Variants in CD1A observed in about 807,000 individuals in gnomAD.
CD1A encodes the protein T-cell surface glycoprotein CD1a.
Under a neutral mutation model 38.3 loss-of-function variants are expected in CD1A, and 50 were observed. The ratio of observed to expected loss-of-function variants is 1.30; its 90% CI spans 1.04 to 1.65. The LOEUF is 1.65. CD1A is among the 40% of genes most tolerant of loss of function. The probability of loss-of-function intolerance (pLI) is 0.00; values close to 1 mark genes in which losing one functional copy is unlikely to be tolerated. For missense variants in CD1A, 459 were observed against 406.1 expected, an observed-to-expected ratio of 1.13 and a Z score of -1.12; for synonymous variants, 160 against 150.8, an observed-to-expected ratio of 1.06 and a Z score of -0.45.
rs1650311033 is a variant in CD1A at position 158,257,760 on chromosome 1, A to G, written c.*70A>G. On this transcript the variant is annotated 3_prime_UTR_variant, in exon 6 of 6. Transcript: ENST00000289429. The stretch of plus-strand genomic sequence containing the variant: ...GAGACCAGCAGCCCAAGGGCTCCAG[A>G]CACACCTGAACACATCGTGATGATG... 2 of 1,267,396 alleles carry G rather than the reference A, an allele frequency of 1.6e-6. No homozygotes were observed. Among genetic ancestry groups the G allele is most frequent in the Admixed American group, 3.7e-5 (2 of 54,054 alleles). 78.5% of individuals were successfully genotyped at this position (1,267,396 alleles called of 1,614,324 possible).
upstream of CD1A, among the ~76,000 whole-genome samples, chr1:158,253,768 C>A (rs1162795969): frequency 6.6e-6 from 1 of 152,092 alleles, no homozygotes; most frequent in Non-Finnish European, 1.5e-5. Context: ...TTATTTCAAG[C>A]AGGCCTTGTT....
chr1:158,254,749 C>G (rs976120000), intron 1 of CD1A, 22 bp downstream of exon 1: 1 of 1,541,612 alleles, frequency 6.5e-7, no homozygotes. Flanking sequence ...GACAACTGCC[C>G]AGTTGGGTGG....
intron 4 of CD1A, 135 bp downstream of exon 4, chr1:158,257,199 G>C: frequency 8.0e-7 from 1 of 1,243,554 alleles, no homozygotes; most frequent in Non-Finnish European, 1.1e-6. Flanking sequence ...CTAAGAAATG[G>C]AAATGTTGAA....
At chr1:158,252,095 C>A (rs1403404094), upstream of CD1A, among the ~76,000 whole-genome samples, 4 of 151,364 alleles carry the variant, frequency 2.6e-5, no homozygotes, top group Admixed American at 2.6e-4. Context: ...TCCCAAAGTG[C>A]TGAGATTACA....
Position 158,254,537 on chromosome 1 carries a change from T to C in CD1A, c.-133T>C, listed in dbSNP as rs1374351625. ...GGTTTTTGAAGGAGTGGATTTTCTT[T>C]GTTGCAGTCAGGGGAGGTTTGTCTG... On this transcript the variant is annotated 5_prime_UTR_variant, in exon 1 of 6. Transcript: ENST00000289429. The C allele has an allele frequency of 6.6e-7, 1 of 1,526,260 alleles. No homozygotes were observed. The highest frequency in any genetic ancestry group is 1.4e-5 in the African/African-American group (1 of 72,912). The allele number at this position is 1,526,260 out of a possible 1,614,324, so 94.5% of individuals were successfully genotyped here.
At chr1:158,253,295 A>C (rs1650135931), upstream of CD1A, among the ~76,000 whole-genome samples, 1 of 152,194 alleles carries the variant, frequency 6.6e-6, no homozygotes. Flanking sequence ...ATAACAAAAC[A>C]ACCCTGAAAC....
At position 158,257,689 on chromosome 1, in the gene CD1A, A is replaced by G. The variant is rs1457852939; in HGVS notation, c.983A>G (p.Ter328=). The G allele has an allele frequency of 6.2e-7, 1 of 1,613,874 alleles. No individual in the cohort carries two copies. Among genetic ancestry groups the G allele is most frequent in the Non-Finnish European group, 8.5e-7 (1 of 1,179,898 alleles). The change falls in exon 6 of 6, where the codon TAA becomes TGA. Residue 328 remains the stop codon, a stop_retained_variant. Coordinates refer to ENST00000289429, the MANE Select transcript of CD1A (RefSeq NM_001763.3). ...ALWFRKRCFC[*] ...TCTCTGTTCTCATCCAGTTTCTGTT[A>G]AGACACACCATGAGCCTCCTCGTCA...
chr1:158,248,429 G>A, the CD1A span: 1 of 984,982 alleles, frequency 1.0e-6, no homozygotes, highest in Non-Finnish European at 1.2e-6. Context: ...CTGCTACAGT[G>A]AACAGGAACA....
At position 158,254,551 on chromosome 1, in the gene CD1A, G is replaced by A. The variant is rs1650174990; in HGVS notation, c.-119G>A. 2 of 1,566,456 alleles carry A rather than the reference G, an allele frequency of 1.3e-6. No homozygotes were observed. Among genetic ancestry groups the A allele is most frequent in the Non-Finnish European group, 1.7e-6 (2 of 1,157,940 alleles). ...TGGATTTTCTTTGTTGCAGTCAGGG[G>A]AGGTTTGTCTGTTGGCTGCAGAAAG... is the stretch of plus-strand genomic sequence containing the variant. On this transcript the variant is annotated 5_prime_UTR_variant, in exon 1 of 6. Transcript: ENST00000289429.
chr1:158,257,133 C>T (rs955425602), intron 4 of CD1A, 69 bp downstream of exon 4: 10 of 1,520,502 alleles, frequency 6.6e-6, no homozygotes, highest in Non-Finnish European at 7.9e-6. Flanking sequence ...GGAGGGCAAG[C>T]TGAAAATTTT....
chr1:158,248,368 A>C, the CD1A span: 1 of 985,160 alleles, frequency 1.0e-6, no homozygotes, highest in Non-Finnish European at 1.2e-6. Flanking sequence ...TTCAATGGGG[A>C]AGGAAGAATT....
At chr1:158,253,404 A>G (rs1650138511), upstream of CD1A, among the ~76,000 whole-genome samples, 1 of 152,216 alleles carries the variant, frequency 6.6e-6, no homozygotes. Flanking sequence ...CTTATAAGTA[A>G]TAGGACATTT....
chr1:158,250,175 C>T (rs3181029), upstream of CD1A, among the ~76,000 whole-genome samples: 21,770 of 152,138 alleles, frequency 0.14, 1,697 homozygotes, highest in African/African-American at 0.2. Context: ...TGAGATCAGA[C>T]GGCTGTATGG....
upstream of CD1A, among the ~76,000 whole-genome samples, chr1:158,252,519 C>A (rs985163222): frequency 2.6e-5 from 4 of 152,070 alleles, no homozygotes; most frequent in Admixed American, 1.3e-4. Context: ...TAACTGGTTG[C>A]CTTGATATTT....
upstream of CD1A, among the ~76,000 whole-genome samples, chr1:158,250,113 C>G (rs1317588059): frequency 6.6e-6 from 1 of 152,190 alleles, no homozygotes; most frequent in Non-Finnish European, 1.5e-5. Context: ...GTGTCCCTGG[C>G]AAAAGCAAGG....
chr1:158,257,127 G>A (rs1650286235), intron 4 of CD1A, 63 bp downstream of exon 4: 2 of 1,528,458 alleles, frequency 1.3e-6, no homozygotes, highest in Non-Finnish European at 1.8e-6. Context: ...ATAGAGGGAG[G>A]GCAAGCTGAA....
chr1:158,248,561 A>G, the CD1A span: 9 of 269,862 alleles, frequency 3.3e-5, no homozygotes, highest in Non-Finnish European at 5.1e-5. Flanking sequence ...AGTTCTAATC[A>G]GGGTATATGT....
At chr1:158,248,777 C>T in the CD1A span, among the ~76,000 whole-genome samples, 6 of 152,124 alleles carry the variant, frequency 3.9e-5, no homozygotes, top group Non-Finnish European at 8.8e-5. Context: ...CACCCCCAGC[C>T]AGCTCCCAAG....
chr1:158,257,765 C>A lies in CD1A; in HGVS notation c.*75C>A. The A allele has an allele frequency of 1.6e-6, 2 of 1,277,470 alleles. No homozygotes were observed. The highest frequency in any genetic ancestry group is 2.3e-6 in the Non-Finnish European group (2 of 881,582). 79.1% of individuals were successfully genotyped at this position (1,277,470 alleles called of 1,614,324 possible). On this transcript the variant is annotated 3_prime_UTR_variant, in exon 6 of 6. Coordinates refer to ENST00000289429, the MANE Select transcript of CD1A (RefSeq NM_001763.3). ...CAGCAGCCCAAGGGCTCCAGACACA[C>A]CTGAACACATCGTGATGATGACGTC...
Sources: allele counts gnomAD v4.1 joint callset (sites outside exome capture counted in the v4.1 genomes callset), GRCh38; gene constraint gnomAD v4.1.1; transcripts MANE v1.5; gene names NCBI Gene and HGNC (gene_info 2026-07-23, HGNC 2026-07-21).